Variants in CPPED1 observed in about 807,000 individuals in gnomAD.
The protein encoded by CPPED1 is calcineurin like phosphoesterase domain containing 1, also known as serine/threonine-protein phosphatase CPPED1.
In CPPED1, 28 loss-of-function variants were observed where a neutral mutation model predicts 28.0. The ratio of observed to expected loss-of-function variants is 1.00; its 90% CI spans 0.74 to 1.37. The LOEUF is 1.37. Ranked by LOEUF, CPPED1 falls within the 40% of genes most tolerant of loss-of-function variation. The pLI is 0.00. For missense variants in CPPED1, 504 were observed against 416.5 expected (o/e 1.21, Z -1.83); for synonymous variants, 198 against 180.2 (o/e 1.10, Z -0.79).
rs2079911754 is a variant in CPPED1 at position 12,682,667 on chromosome 16, T to C, written c.716-17552A>G. On this transcript the variant is annotated intron_variant, in intron 3 of 3. Transcript: ENST00000381774. The surrounding 1 kb of genome is among the most constrained non-coding windows in gnomAD (Gnocchi z 6.1). ...GTGAGAATCAGGGACACGCCCTGGG[T>C]GGCACAGCAGGAAGCTGCGTGTCTT... 6.6e-6 allele frequency among the ~76,000 whole-genome samples: 1 copy of C among 152,218 alleles called. No homozygotes were observed.
intron 3 of CPPED1, among the ~76,000 whole-genome samples, chr16:12,699,171 C>T (rs1024301143): frequency 2.0e-5 from 3 of 152,046 alleles, no homozygotes; most frequent in African/African-American, 7.2e-5. Context: ...GTGAATAAAG[C>T]GGAAAACCAA....
At chr16:12,749,794 T>C (rs1296610007) in intron 2 of CPPED1, among the ~76,000 whole-genome samples, 2 of 152,312 alleles carry the variant, frequency 1.3e-5, no homozygotes, top group Admixed American at 1.3e-4. Flanking sequence ...TTCATCATGT[T>C]GACCAGGCTG....
chr16:12,674,959 T>C (rs1360301080), intron 3 of CPPED1, among the ~76,000 whole-genome samples: 1 of 152,164 alleles, frequency 6.6e-6, no homozygotes, highest in Non-Finnish European at 1.5e-5. Flanking sequence ...AGGGCCAGCT[T>C]CTCACTGCTG....
chr16:12,779,162 C>T (rs1342307820), intron 2 of CPPED1, among the ~76,000 whole-genome samples: 1 of 152,102 alleles, frequency 6.6e-6, no homozygotes, highest in Non-Finnish European at 1.5e-5. Flanking sequence ...AGCCCTATAA[C>T]ATTCTGTTTT....
At chr16:12,669,035 C>T (rs762760474) in intron 3 of CPPED1, among the ~76,000 whole-genome samples, 18 of 152,166 alleles carry the variant, frequency 1.2e-4, no homozygotes, top group Non-Finnish European at 2.5e-4. Context: ...GGTGAGTGTT[C>T]CTAGCAGCAT....
intron 3 of CPPED1, among the ~76,000 whole-genome samples, chr16:12,687,839 T>C (rs1299458446): frequency 6.6e-6 from 1 of 152,070 alleles, no homozygotes; most frequent in Admixed American, 6.6e-5. Context: ...CTCAATTAAT[T>C]GAACAGATGC....
In CPPED1 at chr16:12,720,235, G is replaced by A. The variant is rs780429765; in HGVS notation, c.290-15186C>T. 17 of 154,382 alleles carry A rather than the reference G, an allele frequency of 1.1e-4. No individual in the cohort carries two copies. In the Middle Eastern group the frequency reaches 9.2e-3, roughly 84 times the overall value. 9.6% of individuals were successfully genotyped at this position (154,382 alleles called of 1,614,324 possible). Reference sequence around the variant, plus strand: ...CCCCAGATAAATCAATCAGAGCAGTGTGGGACCAGGCCTTTTTCAGCCTTG... The same window carrying A: ...CCCCAGATAAATCAATCAGAGCAGTATGGGACCAGGCCTTTTTCAGCCTTG... On this transcript the variant is annotated intron_variant, in intron 2 of 3. Transcript: ENST00000381774.
chr16:12,672,172 C>T (rs2079855987), intron 3 of CPPED1, among the ~76,000 whole-genome samples: 1 of 152,244 alleles, frequency 6.6e-6, no homozygotes, highest in Non-Finnish European at 1.5e-5. Flanking sequence ...ACTGCAATTC[C>T]ATTGACTTCT....
At chr16:12,726,166 C>T (rs557469743) in intron 2 of CPPED1, among the ~76,000 whole-genome samples, 3 of 152,064 alleles carry the variant, frequency 2.0e-5, no homozygotes, top group Admixed American at 6.5e-5. Flanking sequence ...CTCAGCCTCC[C>T]GAGTAGCTGG....
chr16:12,704,727 C>G lies in CPPED1; in HGVS notation c.612G>C (p.Gln204His). 6.2e-7 allele frequency: 1 copy of G among 1,614,218 alleles called. No homozygotes were observed. The highest frequency in any genetic ancestry group is 8.5e-7 in the Non-Finnish European group (1 of 1,180,046). The change falls in exon 3 of 4, where the codon CAG becomes CAC. Residue 204 changes from glutamine to histidine, a missense_variant. Gln to His is a conservative substitution (Grantham distance 24). Transcript: ENST00000381774. ...TGCTCTCCAGGAACAGCGGGATGTG[C>G]TGGAAGACGATGGCATGCTGGCAGT... ...QRHCQHAIVF[Q>H]HIPLFLESID...
At chr16:12,741,519 T>G (rs1236169656) in intron 2 of CPPED1, among the ~76,000 whole-genome samples, 1 of 152,186 alleles carries the variant, frequency 6.6e-6, no homozygotes, top group Non-Finnish European at 1.5e-5. Context: ...AGGAATTAGA[T>G]GGACACCATT....
chr16:12,728,859 C>T (rs2080183102), intron 2 of CPPED1, among the ~76,000 whole-genome samples: 2 of 152,150 alleles, frequency 1.3e-5, no homozygotes, highest in East Asian at 1.9e-4. Context: ...GGGCAACATA[C>T]GGAGACCCTG....
At chr16:12,734,397 G>C (rs1405632784) in intron 2 of CPPED1, among the ~76,000 whole-genome samples, 1 of 146,802 alleles carries the variant, frequency 6.8e-6, no homozygotes, top group African/African-American at 2.5e-5. Flanking sequence ...TTTTGTTTTT[G>C]AGACGGAGTC....
At chr16:12,749,752 TA>T (rs1181833543) in intron 2 of CPPED1, among the ~76,000 whole-genome samples, 1 of 152,154 alleles carries the variant, frequency 6.6e-6, no homozygotes, top group Non-Finnish European at 1.5e-5. Context: ...CATACCTGGC[TA>T]ATTTTTGTAT....
Position 12,742,144 on chromosome 16 carries a change from T to C in CPPED1, c.290-37095A>G, listed in dbSNP as rs74245905. ...TCTTACAAATACATGAATAGAGAAA[T>C]ATGTGGAAATGACCATGATACTCAG... On this transcript the variant is annotated intron_variant, in intron 2 of 3. Coordinates refer to ENST00000381774, the MANE Select transcript of CPPED1 (RefSeq NM_018340.3). Among the ~76,000 whole-genome samples, 39 of 152,218 alleles carry C rather than the reference T, an allele frequency of 2.6e-4. No homozygotes were observed. In the East Asian group the frequency reaches 6.4e-3, roughly 25 times the overall value.
At chr16:12,696,388 C>T (rs7199017) in intron 3 of CPPED1, among the ~76,000 whole-genome samples, 43,405 of 151,090 alleles carry the variant, frequency 0.29, 10,929 homozygotes, top group African/African-American at 0.69. Flanking sequence ...ACAACAAACA[C>T]GCCCTTAGTG....
chr16:12,687,980 A>G (rs2079941919), intron 3 of CPPED1, among the ~76,000 whole-genome samples: 1 of 152,042 alleles, frequency 6.6e-6, no homozygotes, highest in Non-Finnish European at 1.5e-5. Flanking sequence ...GAGGAATGGA[A>G]TGTCACTAAC....
At chr16:12,687,801 C>T (rs1861937817) in intron 3 of CPPED1, among the ~76,000 whole-genome samples, 1 of 152,142 alleles carries the variant, frequency 6.6e-6, no homozygotes, top group African/African-American at 2.4e-5. Context: ...TTGGGCTTGG[C>T]ATAGAGTAGT....
chr16:12,803,887 C>CGGGGCGGGACTGGGGCGGGACT (rs3833561), upstream of CPPED1: 2 of 807,070 alleles, frequency 2.5e-6, no homozygotes, highest in East Asian at 9.4e-5. Flanking sequence ...CCTTTGATCT[C>CGGGGCGGGACTGGGGCGGGACT]GGGGCGGGAC....
Sources: allele counts gnomAD v4.1 joint callset (sites outside exome capture counted in the v4.1 genomes callset), GRCh38; gene constraint gnomAD v4.1.1; non-coding constraint Gnocchi (gnomAD v3.1); transcripts MANE v1.5; gene names NCBI Gene and HGNC (gene_info 2026-07-23, HGNC 2026-07-21).